Variants in PKD2L2 observed in about 807,000 individuals in gnomAD.
The protein encoded by PKD2L2 is polycystin 2 like 2, transient receptor potential cation channel, also known as polycystin-2-like protein 2.
In PKD2L2, 67 loss-of-function variants were observed where a neutral mutation model predicts 83.9. That is an observed-to-expected ratio of 0.80 (90% confidence interval 0.66 to 0.98). The LOEUF (loss-of-function observed/expected upper bound fraction) is 0.98. Among genes scored for constraint, PKD2L2 ranks in the 50% least tolerant of loss-of-function variants. The pLI is 0.00. For synonymous variants in PKD2L2, 223 were observed against 237.8 expected, an observed-to-expected ratio of 0.94 and a Z score of 0.57; for missense variants, 632 against 717.2, an observed-to-expected ratio of 0.88 and a Z score of 1.36.
At chr5:137,893,387 C>G (rs901071287) in intron 3 of PKD2L2, among the ~76,000 whole-genome samples, 5 of 152,156 alleles carry the variant, frequency 3.3e-5, no homozygotes, top group African/African-American at 1.2e-4. Flanking sequence ...TTACATTTAA[C>G]ATAGCAACAT....
chr5:137,918,802 G>C (rs1758611711), intron 8 of PKD2L2, among the ~76,000 whole-genome samples: 1 of 151,808 alleles, frequency 6.6e-6, no homozygotes, highest in Admixed American at 6.6e-5. Flanking sequence ...GGGGACAGGG[G>C]AGAAATAAGT....
intron 4 of PKD2L2, among the ~76,000 whole-genome samples, chr5:137,896,008 C>A (rs189805627): frequency 2.9e-4 from 44 of 152,070 alleles, no homozygotes; most frequent in African/African-American, 9.2e-4. Context: ...GAAACCCCAT[C>A]TCTACTAAAA....
chr5:137,908,206 G>A (rs1304502807), intron 7 of PKD2L2, among the ~76,000 whole-genome samples: 1 of 152,138 alleles, frequency 6.6e-6, no homozygotes, highest in African/African-American at 2.4e-5. Context: ...CTACTCTGGA[G>A]GCTGAGGTGG....
chr5:137,908,493 A>G (rs1024754710), intron 7 of PKD2L2, among the ~76,000 whole-genome samples: 1 of 151,954 alleles, frequency 6.6e-6, no homozygotes, highest in African/African-American at 2.4e-5. Flanking sequence ...AGGGAGGCTG[A>G]GGCAGGAGAA....
chr5:137,932,302 C>A (rs1180099799), intron 12 of PKD2L2, among the ~76,000 whole-genome samples: 1 of 151,606 alleles, frequency 6.6e-6, no homozygotes, highest in African/African-American at 2.4e-5. Context: ...GAGCCAAGAT[C>A]ACGCCACTGC....
Position 137,894,511 on chromosome 5 carries a change from A to T in PKD2L2, c.426A>T (p.Lys142Asn). ...RQLKVRNNTC[K>N]VYSSFQSLMS... ...TAAAAGTCCGCAACAACACATGCAA[A>T]GTCTATTCATCTTTTCAGTCTTTGA... Residue 142 changes from lysine (K) to asparagine (N), a missense_variant, in exon 4 of 15, where the codon AAA (lysine) becomes AAT (asparagine). Coordinates refer to ENST00000508883, the MANE Select transcript of PKD2L2 (RefSeq NM_001300921.2). 3.1e-6 allele frequency: 5 copies of T among 1,613,894 alleles called. No homozygotes were observed. The highest frequency in any genetic ancestry group is 4.2e-6 in the Non-Finnish European group (5 of 1,179,782).
intron 12 of PKD2L2, 140 bp from the exon 13 acceptor site, chr5:137,935,657 G>A (rs1413700186): frequency 1.7e-5 from 10 of 589,548 alleles, no homozygotes; most frequent in African/African-American, 1.1e-4. Context: ...TCTAGGCAGG[G>A]CAAAAAGTCA....
Position 137,921,723 on chromosome 5 carries a change from C to T in PKD2L2, c.1416C>T (p.Ile472=). The T allele has an allele frequency of 6.2e-7, 1 of 1,608,118 alleles. No individual in the cohort carries two copies. Among genetic ancestry groups the T allele is most frequent in the South Asian group, 1.1e-5 (1 of 90,394 alleles). ...ANPILGPIYF[I]TFIFFVFFVL... is the part of the protein sequence containing the mutation. Reference sequence around the variant, plus strand: ...CTATCTTGGGACCCATTTACTTCATCACTTTCATCTTTTTTGTGTTCTTTG... The same window carrying T: ...CTATCTTGGGACCCATTTACTTCATTACTTTCATCTTTTTTGTGTTCTTTG... The change falls in exon 9 of 15, where the codon ATC becomes ATT. Residue 472 remains isoleucine (I), a synonymous_variant. Transcript: ENST00000508883.
At chr5:137,936,747 A>G (rs1488800902) in intron 14 of PKD2L2, among the ~76,000 whole-genome samples, 1 of 152,112 alleles carries the variant, frequency 6.6e-6, no homozygotes, top group African/African-American at 2.4e-5. Flanking sequence ...GAGCCACCGC[A>G]CCCAGCCCAT....
chr5:137,901,162 GA>G (rs1334138436), intron 5 of PKD2L2, among the ~76,000 whole-genome samples: 3 of 151,288 alleles, frequency 2.0e-5, no homozygotes, highest in Non-Finnish European at 4.4e-5. Flanking sequence ...AAGAAAGAAA[GA>G]AAAGTCATCA....
rs747444320 is a variant in PKD2L2, at chr5:137,925,022, A to C, written c.1552-18A>C. 2 of 1,462,010 alleles carry C rather than the reference A, an allele frequency of 1.4e-6. No homozygotes were observed. The highest frequency in any genetic ancestry group is 1.9e-6 in the Non-Finnish European group (2 of 1,044,368). 90.6% of individuals were successfully genotyped at this position (1,462,010 alleles called of 1,614,324 possible). On this transcript the variant is annotated intron_variant, in intron 10 of 14. Coordinates refer to ENST00000508883, the MANE Select transcript of PKD2L2 (RefSeq NM_001300921.2). ...ATATATTTTAATGCATTTTCAAACT[A>C]TTTTAAATTATGCCCAGAGTTACAA...
At chr5:137,902,114 G>A (rs1757009925) in intron 5 of PKD2L2, among the ~76,000 whole-genome samples, 2 of 152,172 alleles carry the variant, frequency 1.3e-5, no homozygotes, top group Admixed American at 1.3e-4. Context: ...CAGATAACGA[G>A]AAGGAAAACA....
intron 4 of PKD2L2, among the ~76,000 whole-genome samples, chr5:137,898,893 T>A (rs573926916): frequency 6.6e-6 from 1 of 152,308 alleles, no homozygotes; most frequent in South Asian, 2.1e-4. Context: ...CATGCCCAGC[T>A]AATTTTTGAA....
intron 12 of PKD2L2, among the ~76,000 whole-genome samples, chr5:137,926,364 TA>T (rs5871655): frequency 0.74 from 110,451 of 149,628 alleles, 41,193 homozygotes; most frequent in East Asian, 0.97. Context: ...CACTACCACT[TA>T]AAAAAAAAAA....
intron 9 of PKD2L2, 85 bp downstream of exon 9, chr5:137,921,841 C>A: frequency 1.9e-6 from 2 of 1,040,400 alleles, no homozygotes; most frequent in Non-Finnish European, 2.8e-6. Flanking sequence ...ATTATTTCTG[C>A]TCAGCTGTCA....
intron 8 of PKD2L2, among the ~76,000 whole-genome samples, chr5:137,913,860 TTTTTC>T (rs1334732929): frequency 2.0e-5 from 3 of 150,940 alleles, no homozygotes; most frequent in Non-Finnish European, 4.4e-5. Flanking sequence ...TTTTCTTTCT[TTTTTC>T]TTTTCCTTTT....
chr5:137,892,795 C>T (rs1000817927), intron 3 of PKD2L2, among the ~76,000 whole-genome samples, 182 bp downstream of exon 3: 6 of 152,194 alleles, frequency 3.9e-5, no homozygotes, highest in African/African-American at 1.4e-4. Context: ...CAGTTTGATA[C>T]TATTCTTGTA....
At chr5:137,906,552 T>C (rs910412887) in intron 6 of PKD2L2, 118 bp downstream of exon 6, 9 of 581,190 alleles carry the variant, frequency 1.5e-5, no homozygotes, top group African/African-American at 1.5e-4. Flanking sequence ...GCTACAAGTA[T>C]CAAACATAAA....
In PKD2L2 at chr5:137,907,876, T is replaced by A; in HGVS notation, c.1110T>A (p.Asn370Lys). ...CATGCTGGCACATTTATTACAATAA[T>A]ATAATTGCTATTACCATCTTTTTTG... ...FLACWHIYYN[N>K]IIAITIFFAW... is the part of the protein sequence containing the mutation. The change falls in exon 7 of 15, where the codon AAT becomes AAA. Residue 370 changes from asparagine (N) to lysine (K), a missense_variant. By Grantham distance (94) the Asn-to-Lys change is moderately conservative. Coordinates refer to ENST00000508883, the MANE Select transcript of PKD2L2 (RefSeq NM_001300921.2). The A allele has an allele frequency of 6.8e-7, 1 of 1,471,428 alleles. No individual in the cohort carries two copies. The highest frequency in any genetic ancestry group is 9.4e-7 in the Non-Finnish European group (1 of 1,062,958). The allele number at this position is 1,471,428 out of a possible 1,614,324, so 91.1% of individuals were successfully genotyped here.
Sources: allele counts gnomAD v4.1 joint callset (sites outside exome capture counted in the v4.1 genomes callset), GRCh38; gene constraint gnomAD v4.1.1; transcripts MANE v1.5; gene names NCBI Gene and HGNC (gene_info 2026-07-23, HGNC 2026-07-21).